The following LRCH1 variants were observed in gnomAD, a reference collection of about 807,000 sequenced individuals.
LRCH1 encodes the protein leucine rich repeats and calponin homology domain containing 1.
Under a neutral mutation model 94.9 loss-of-function variants are expected in LRCH1, and 23 were observed. That is an observed-to-expected ratio of 0.24 (90% CI 0.17 to 0.34). The LOEUF (loss-of-function observed/expected upper bound fraction) is 0.34. Ranked by LOEUF, LRCH1 falls within the 10% of genes least tolerant of loss-of-function variation. LRCH1 has a pLI of 1.00. For missense variants in LRCH1, 790 were observed against 945.9 expected (o/e 0.84, Z 2.16); for synonymous variants, 364 against 354.9 (o/e 1.03, Z -0.29).
At chr13:46,689,495 A>ATTGAG (rs1374492681) in intron 7 of LRCH1, among the ~76,000 whole-genome samples, 2 of 152,206 alleles carry the variant, frequency 1.3e-5, no homozygotes, top group African/African-American at 4.8e-5. Context: ...AATAAATATT[A>ATTGAG]CAAAATGGCT....
intron 1 of LRCH1, among the ~76,000 whole-genome samples, chr13:46,602,856 G>A (rs1414297244): frequency 1.3e-5 from 2 of 152,146 alleles, no homozygotes; most frequent in Non-Finnish European, 2.9e-5. Flanking sequence ...GGCTGAGGTG[G>A]GAGGATGGAT....
chr13:46,728,390 A>AT (rs1185639454), intron 17 of LRCH1, among the ~76,000 whole-genome samples: 2 of 151,742 alleles, frequency 1.3e-5, no homozygotes, highest in Admixed American at 6.6e-5. Context: ...AAATTTTTGT[A>AT]TTTTTAGTAG....
At chr13:46,585,541 A>G (rs1424953027) in intron 1 of LRCH1, among the ~76,000 whole-genome samples, 1 of 144,134 alleles carries the variant, frequency 6.9e-6, no homozygotes, top group African/African-American at 2.7e-5. Flanking sequence ...CGACAGAGCG[A>G]GACTGCATCT....
chr13:46,559,124 A>G (rs1033435112), intron 1 of LRCH1, among the ~76,000 whole-genome samples: 2 of 152,252 alleles, frequency 1.3e-5, no homozygotes, highest in African/African-American at 4.8e-5. Context: ...AGACTTGATA[A>G]CAAAATCTAG....
At chr13:46,690,809 A>G (rs1870856391) in intron 7 of LRCH1, among the ~76,000 whole-genome samples, 2 of 152,216 alleles carry the variant, frequency 1.3e-5, no homozygotes, top group Admixed American at 1.3e-4. Flanking sequence ...TATCTTACAT[A>G]GCTTCCTATT....
chr13:46,597,561 C>T (rs916562101), intron 1 of LRCH1, among the ~76,000 whole-genome samples: 5 of 151,954 alleles, frequency 3.3e-5, no homozygotes, highest in African/African-American at 1.2e-4. Flanking sequence ...TTCACCATGT[C>T]GAACAGGCTG....
intron 2 of LRCH1, among the ~76,000 whole-genome samples, chr13:46,663,235 T>C (rs560051263): frequency 1.3e-5 from 2 of 152,352 alleles, no homozygotes; most frequent in South Asian, 4.1e-4. Context: ...TGTTATTTTT[T>C]AGCTTTACAT....
intron 1 of LRCH1, among the ~76,000 whole-genome samples, chr13:46,635,346 A>C (rs866164354): frequency 3.3e-5 from 5 of 151,888 alleles, no homozygotes; most frequent in Admixed American, 6.6e-5. Context: ...TTCCCTGTGT[A>C]CCTGCCACCA....
intron 5 of LRCH1, 94 bp from the exon 6 acceptor site, chr13:46,687,758 C>A: frequency 9.7e-7 from 1 of 1,035,892 alleles, no homozygotes; most frequent in Non-Finnish European, 1.4e-6. Context: ...TAAAATGAAA[C>A]TGGGAAAATT....
intron 19 of LRCH1, among the ~76,000 whole-genome samples, chr13:46,740,780 T>A (rs766580713): frequency 3.5e-4 from 53 of 152,244 alleles, no homozygotes; most frequent in Non-Finnish European, 6.5e-4. Flanking sequence ...AATTGTTTGC[T>A]TTCTGACAGC....
chr13:46,653,876 TTAAAG>T (rs2051338782), intron 2 of LRCH1, among the ~76,000 whole-genome samples: 1 of 152,082 alleles, frequency 6.6e-6, no homozygotes, highest in African/African-American at 2.4e-5. Flanking sequence ...AGAGTAATCT[TTAAAG>T]TAATCAGAAA....
intron 2 of LRCH1, among the ~76,000 whole-genome samples, chr13:46,660,744 C>G (rs538985819): frequency 1.3e-5 from 2 of 152,108 alleles, no homozygotes; most frequent in African/African-American, 2.4e-5. Context: ...TTCCCTAAAG[C>G]TTTGGTCTTC....
intron 9 of LRCH1, among the ~76,000 whole-genome samples, chr13:46,696,142 G>A (rs555646803): frequency 1.3e-4 from 19 of 151,172 alleles, no homozygotes; most frequent in Admixed American, 4.0e-4. Context: ...GCACCACCCC[G>A]CCCACTCCAC....
intron 1 of LRCH1, among the ~76,000 whole-genome samples, chr13:46,627,645 T>C (rs2050966688): frequency 6.6e-6 from 1 of 152,174 alleles, no homozygotes; most frequent in Non-Finnish European, 1.5e-5. Flanking sequence ...CACACACGTA[T>C]GGCAAAGATC....
intron 1 of LRCH1, among the ~76,000 whole-genome samples, chr13:46,555,916 G>C (rs1005121499): frequency 2.0e-5 from 3 of 152,204 alleles, no homozygotes; most frequent in Admixed American, 6.5e-5. Flanking sequence ...TCTTATTTGA[G>C]AGACCAGAAA....
intron 1 of LRCH1, among the ~76,000 whole-genome samples, chr13:46,568,780 T>G (rs1374305889): frequency 6.6e-6 from 1 of 152,100 alleles, no homozygotes; most frequent in Non-Finnish European, 1.5e-5. Flanking sequence ...GGTGAGTACA[T>G]AGGTAGGTGT....
Position 46,646,074 on chromosome 13 carries a change from A to G in LRCH1, c.308-4127A>G, listed in dbSNP as rs73487712. Among the ~76,000 whole-genome samples, 555 of 152,366 alleles carry G rather than the reference A, an allele frequency of 3.6e-3. 4 individuals are homozygous for G. Among genetic ancestry groups the G allele is most frequent in the African/African-American group, 0.012 (496 of 41,586 alleles). On this transcript the variant is annotated intron_variant, in intron 1 of 19. Transcript: ENST00000389797. Reference sequence around the variant, plus strand: ...CTATGTCTAGTAAAGTGTTTCAGAAAGAAAGAACACAAGAGACTTCTGGAA... The same window carrying G: ...CTATGTCTAGTAAAGTGTTTCAGAAGGAAAGAACACAAGAGACTTCTGGAA...
intron 1 of LRCH1, among the ~76,000 whole-genome samples, chr13:46,648,601 G>GT (rs1308576246): frequency 3.9e-5 from 6 of 152,076 alleles, no homozygotes; most frequent in Non-Finnish European, 7.4e-5. Context: ...AACCCCAACA[G>GT]TTTTTTTAAA....
chr13:46,592,239 C>T (rs948586331), intron 1 of LRCH1, among the ~76,000 whole-genome samples: 2 of 152,110 alleles, frequency 1.3e-5, no homozygotes, highest in African/African-American at 4.8e-5. Flanking sequence ...AGGAGTATTC[C>T]TGAGTCAGAG....
Sources: gnomAD v4.1 joint callset for allele counts (sites outside exome capture counted in the v4.1 genomes callset) on GRCh38, gnomAD v4.1.1 for gene constraint, MANE v1.5 for transcripts, NCBI Gene and HGNC (gene_info 2026-07-23, HGNC 2026-07-21) for gene names.